MED13L: variants seen among roughly 807,000 people sequenced by gnomAD.
MED13L encodes the protein mediator of RNA polymerase II transcription subunit 13-like.
MED13L carries 7 observed loss-of-function variants against 220.9 expected under a neutral mutation model. The ratio of observed to expected loss-of-function variants is 0.03; its 90% CI spans 0.02 to 0.06. The LOEUF is 0.06. Ranked by LOEUF, MED13L falls within the 10% of genes least tolerant of loss-of-function variation. The pLI is 1.00. For missense variants in MED13L, 1,965 were observed against 2,760.5 expected (o/e 0.71, Z 6.46); for synonymous variants, 1,011 against 1,015.2 (o/e 1.00, Z 0.08).
At chr12:115,975,465 G>A (rs1165525554) in intron 24 of MED13L, 50 bp downstream of exon 24, 6 of 1,596,928 alleles carry the variant, frequency 3.8e-6, no homozygotes, top group Non-Finnish European at 5.1e-6. Flanking sequence ...CATATTTGAG[G>A]AACGGTACAG....
intron 1 of MED13L, among the ~76,000 whole-genome samples, chr12:116,245,454 G>C (rs1871018770): frequency 6.6e-6 from 1 of 151,938 alleles, no homozygotes; most frequent in Admixed American, 6.6e-5. Context: ...ATACAACCAA[G>C]AATTGCTAAA....
chr12:116,079,213 TTGG>T (rs149724662), intron 4 of MED13L, among the ~76,000 whole-genome samples: 25,012 of 151,794 alleles, frequency 0.16, 2,261 homozygotes, highest in Middle Eastern at 0.26. Flanking sequence ...TCAGTTTTAT[TTGG>T]TGGTGGTGGT....
intron 2 of MED13L, among the ~76,000 whole-genome samples, chr12:116,157,116 C>T (rs1206168141): frequency 6.6e-6 from 1 of 152,144 alleles, no homozygotes; most frequent in Non-Finnish European, 1.5e-5. Flanking sequence ...CAACACTTGC[C>T]ACCAAAACAT....
chr12:116,005,623 C>A (rs1023937241), intron 13 of MED13L, among the ~76,000 whole-genome samples: 4 of 152,042 alleles, frequency 2.6e-5, no homozygotes, highest in Non-Finnish European at 5.9e-5. Flanking sequence ...TGAAAAAGAT[C>A]CTTCAATGAA....
chr12:116,224,543 T>C (rs1036556614), intron 2 of MED13L, among the ~76,000 whole-genome samples: 6 of 152,218 alleles, frequency 3.9e-5, no homozygotes, highest in African/African-American at 1.2e-4. Flanking sequence ...GCAAAAATGT[T>C]TCCAATTCAT....
At chr12:116,031,148 G>T (rs1880711138) in intron 4 of MED13L, among the ~76,000 whole-genome samples, 1 of 152,122 alleles carries the variant, frequency 6.6e-6, no homozygotes, top group Admixed American at 6.5e-5. Flanking sequence ...TAAAGCAATT[G>T]TCTTGCTTCA....
chr12:116,194,924 G>C (rs1006737350), intron 2 of MED13L, among the ~76,000 whole-genome samples: 11 of 152,094 alleles, frequency 7.2e-5, no homozygotes, highest in African/African-American at 2.7e-4. Context: ...ACAGAGAGTG[G>C]GCAGAAGGTA....
intron 2 of MED13L, among the ~76,000 whole-genome samples, chr12:116,201,548 C>T (rs145987060): frequency 1.1e-4 from 16 of 152,222 alleles, no homozygotes; most frequent in African/African-American, 3.9e-4. Context: ...AGAAAGGTAA[C>T]TTATGTGCAC....
intron 8 of MED13L, 32 bp downstream of exon 8, chr12:116,015,077 A>ATGT: frequency 6.3e-7 from 1 of 1,598,930 alleles, no homozygotes; most frequent in Non-Finnish European, 8.6e-7. Flanking sequence ...TGGTTACTAA[A>ATGT]CTATGATCTA....
chr12:116,021,255 A>G (rs1035115487), intron 5 of MED13L, among the ~76,000 whole-genome samples: 3 of 152,174 alleles, frequency 2.0e-5, no homozygotes, highest in Non-Finnish European at 4.4e-5. Flanking sequence ...TATTCCTAAT[A>G]TTATTGTTCC....
At chr12:116,117,131 C>T (rs1874592410) in intron 2 of MED13L, among the ~76,000 whole-genome samples, 1 of 151,612 alleles carries the variant, frequency 6.6e-6, no homozygotes. Context: ...AAGGAACTTC[C>T]AATACAAGAA....
At chr12:116,241,627 G>A (rs1456858554) in intron 1 of MED13L, among the ~76,000 whole-genome samples, 1 of 152,164 alleles carries the variant, frequency 6.6e-6, no homozygotes, top group Non-Finnish European at 1.5e-5. Context: ...GCAAAGGGAA[G>A]CTGCTACCAC....
At chr12:116,132,686 C>T (rs985003561) in intron 2 of MED13L, among the ~76,000 whole-genome samples, 1 of 151,866 alleles carries the variant, frequency 6.6e-6, no homozygotes, top group African/African-American at 2.4e-5. Context: ...TTTGGGAGGC[C>T]GAGGTGGGTG....
At chr12:115,983,808 T>G (rs1877502404) in intron 20 of MED13L, among the ~76,000 whole-genome samples, 1 of 152,170 alleles carries the variant, frequency 6.6e-6, no homozygotes, top group Non-Finnish European at 1.5e-5. Flanking sequence ...ACTGATTCCA[T>G]GTGCCTGCCC....
intron 2 of MED13L, among the ~76,000 whole-genome samples, chr12:116,124,274 T>TAC (rs1875388485): frequency 6.6e-6 from 1 of 152,114 alleles, no homozygotes; most frequent in Non-Finnish European, 1.5e-5. Flanking sequence ...ACCTGATGGG[T>TAC]ACCTTGGCTT....
At chr12:116,136,666 C>A (rs558891438) in intron 2 of MED13L, among the ~76,000 whole-genome samples, 1 of 152,276 alleles carries the variant, frequency 6.6e-6, no homozygotes, top group East Asian at 1.9e-4. Context: ...AACCTGCGTT[C>A]AAGTAAACAT....
At chr12:116,110,992 T>C (rs1292330395) in intron 3 of MED13L, among the ~76,000 whole-genome samples, 1 of 152,196 alleles carries the variant, frequency 6.6e-6, no homozygotes, top group Non-Finnish European at 1.5e-5. Flanking sequence ...CTATAATGGA[T>C]GTAACTGGGA....
chr12:116,014,798 T>G (rs1056050897), intron 8 of MED13L, among the ~76,000 whole-genome samples: 1 of 152,186 alleles, frequency 6.6e-6, no homozygotes, highest in African/African-American at 2.4e-5. Flanking sequence ...CCAAACCCAC[T>G]GGTTGCTGTC....
rs568707898 is a variant in MED13L, at chr12:116,008,777, C to T, written c.1636G>A (p.Asp546Asn). The change falls in exon 10 of 31, where the codon GAT (aspartate) becomes AAT (asparagine). Residue 546 changes from aspartate to asparagine, a missense_variant. Physicochemically the swap from Asp to Asn is conservative, Grantham distance 23. This residue lies in a region of MED13L where 818 missense variants were observed against 1,041.2 expected (regional missense o/e 0.79). Coordinates refer to ENST00000281928, the MANE Select transcript of MED13L (RefSeq NM_015335.5). ...TSKQMNLNPM[D>N]SPHSPISPLP... Reference sequence around the variant, plus strand: ...GGGGATATAGGGGAATGAGGTGAATCCATAGGATTCAGATTCATTTGCTTG... The same window carrying T: ...GGGGATATAGGGGAATGAGGTGAATTCATAGGATTCAGATTCATTTGCTTG... 6.2e-7 allele frequency: 1 copy of T among 1,613,960 alleles called. No homozygotes were observed. Among genetic ancestry groups the T allele is most frequent in the East Asian group, 2.2e-5 (1 of 44,836 alleles).
Sources: gnomAD v4.1 joint callset for allele counts (sites outside exome capture counted in the v4.1 genomes callset) on GRCh38, gnomAD v4.1.1 for gene constraint, gnomAD v4.1.1 regional missense constraint, MANE v1.5 for transcripts, NCBI Gene and HGNC (gene_info 2026-07-23, HGNC 2026-07-21) for gene names.